ARHGEF7: variants seen among roughly 807,000 people sequenced by gnomAD.
The protein encoded by ARHGEF7 is Rho guanine nucleotide exchange factor 7, also known as PAK-interacting exchange factor beta.
Under a neutral mutation model 109.8 loss-of-function variants are expected in ARHGEF7, and 33 were observed. That is an observed-to-expected ratio of 0.30 (90% confidence interval 0.23 to 0.40). ARHGEF7 has a LOEUF of 0.40. Ranked by LOEUF, ARHGEF7 falls within the 10% of genes least tolerant of loss-of-function variation. The pLI, the probability that ARHGEF7 is intolerant of heterozygous loss-of-function variation, is 1.00. For synonymous variants in ARHGEF7, 458 were observed against 424.6 expected, an observed-to-expected ratio of 1.08 and a Z score of -0.97; for missense variants, 938 against 1,098.5, an observed-to-expected ratio of 0.85 and a Z score of 2.07.
chr13:111,186,942 G>T, intron 2 of ARHGEF7: 1 of 985,636 alleles, frequency 1.0e-6, no homozygotes, highest in East Asian at 1.1e-4. Flanking sequence ...ACGTAGAGGT[G>T]CATCAGCCAG....
chr13:111,302,642 G>A (rs1251123226), intron 21 of ARHGEF7, among the ~76,000 whole-genome samples: 1 of 152,212 alleles, frequency 6.6e-6, no homozygotes, highest in Non-Finnish European at 1.5e-5. Context: ...AGTCCTTTCT[G>A]TAACTCTGGA....
chr13:111,176,900 G>T (rs941167433), intron 2 of ARHGEF7, among the ~76,000 whole-genome samples: 2 of 152,280 alleles, frequency 1.3e-5, no homozygotes, highest in South Asian at 4.1e-4. Flanking sequence ...GGGACTACAG[G>T]CGTGTACCAC....
At chr13:111,265,468 C>A (rs1197714633) in intron 8 of ARHGEF7, 2 of 421,688 alleles carry the variant, frequency 4.7e-6, no homozygotes, top group Non-Finnish European at 9.6e-6. Context: ...ATTCTCCTGA[C>A]TATGACTTTC....
At chr13:111,242,125 C>T (rs2087894469) in intron 6 of ARHGEF7, among the ~76,000 whole-genome samples, 1 of 152,182 alleles carries the variant, frequency 6.6e-6, no homozygotes, top group African/African-American at 2.4e-5. Context: ...CCCTGCAGGG[C>T]CCCTCGCTCT....
At chr13:111,269,373 A>G (rs946094704) in intron 9 of ARHGEF7, among the ~76,000 whole-genome samples, 1 of 152,256 alleles carries the variant, frequency 6.6e-6, no homozygotes, top group African/African-American at 2.4e-5. Flanking sequence ...TAAAGATGAC[A>G]TTGAAAGTCA....
chr13:111,241,295 A>G (rs1363595743), intron 6 of ARHGEF7: 18 of 1,536,066 alleles, frequency 1.2e-5, no homozygotes, highest in Non-Finnish European at 1.6e-5. Context: ...GGGGTCCTGC[A>G]GCAGCCAGAG....
At chr13:111,282,346 G>A (rs1208327180) in intron 15 of ARHGEF7, among the ~76,000 whole-genome samples, 1 of 152,208 alleles carries the variant, frequency 6.6e-6, no homozygotes, top group African/African-American at 2.4e-5. Flanking sequence ...GGCTGATTTT[G>A]AGAATGACTT....
At chr13:111,240,488 C>T (rs867353014) in intron 6 of ARHGEF7, among the ~76,000 whole-genome samples, 5 of 152,176 alleles carry the variant, frequency 3.3e-5, no homozygotes, top group African/African-American at 4.8e-5. Context: ...GTCATTGTGA[C>T]CCGTAGAGGA....
At chr13:111,195,025 A>G (rs990881344) in intron 2 of ARHGEF7, among the ~76,000 whole-genome samples, 4 of 152,142 alleles carry the variant, frequency 2.6e-5, no homozygotes, top group African/African-American at 9.7e-5. Flanking sequence ...GGGTTTTTGT[A>G]CCCCTAGAAT....
chr13:111,154,075 T>A, intron 2 of ARHGEF7, 84 bp downstream of exon 2: 1 of 1,309,526 alleles, frequency 7.6e-7, no homozygotes, highest in Non-Finnish European at 1.0e-6. Context: ...CAGCCGGACC[T>A]CCTGCCTCCT....
intron 1 of ARHGEF7, among the ~76,000 whole-genome samples, chr13:111,134,809 T>G (rs1410748231): frequency 6.6e-6 from 1 of 152,182 alleles, no homozygotes; most frequent in Admixed American, 6.5e-5. Flanking sequence ...TAGATCCCAT[T>G]TGTCAATTTT....
At chr13:111,234,836 C>T (rs1420027941) in intron 6 of ARHGEF7, among the ~76,000 whole-genome samples, 4 of 151,888 alleles carry the variant, frequency 2.6e-5, no homozygotes, top group Admixed American at 2.0e-4. Flanking sequence ...GTGTGGCCCA[C>T]ATTACCCGAG....
chr13:111,174,569 C>T (rs531997666), intron 2 of ARHGEF7, among the ~76,000 whole-genome samples: 2 of 152,334 alleles, frequency 1.3e-5, no homozygotes, highest in East Asian at 3.9e-4. Flanking sequence ...AAATGCCATG[C>T]ATTATCTGGG....
intron 2 of ARHGEF7, among the ~76,000 whole-genome samples, chr13:111,197,335 C>T (rs2080647209): frequency 6.6e-6 from 1 of 152,200 alleles, no homozygotes; most frequent in Non-Finnish European, 1.5e-5. Flanking sequence ...TCCTAGACCA[C>T]AAGGAGGACT....
At chr13:111,153,682 A>C in intron 1 of ARHGEF7, 4 of 1,237,960 alleles carry the variant, frequency 3.2e-6, no homozygotes, top group East Asian at 3.7e-5. Context: ...TGGTGCGGGA[A>C]GGGGCAGAGA....
At chr13:111,247,997 T>G (rs989651877) in intron 8 of ARHGEF7, among the ~76,000 whole-genome samples, 1 of 152,242 alleles carries the variant, frequency 6.6e-6, no homozygotes, top group Non-Finnish European at 1.5e-5. Flanking sequence ...GTAGGACTTC[T>G]GTCTTCCGTC....
intron 15 of ARHGEF7, among the ~76,000 whole-genome samples, chr13:111,282,193 T>TGCTGTGTG (rs1555400562): frequency 1 from 152,206 of 152,260 alleles, 76,076 homozygotes; most frequent in Middle Eastern, 1. Flanking sequence ...TGGCATTAGC[T>TGCTGTGTG]GCCGTCCCTC....
At chr13:111,157,098 A>G (rs1171720588) in intron 2 of ARHGEF7, among the ~76,000 whole-genome samples, 1 of 152,186 alleles carries the variant, frequency 6.6e-6, no homozygotes, top group Non-Finnish European at 1.5e-5. Flanking sequence ...TTTGATTATG[A>G]AAATATTTTT....
chr13:111,127,035 A>G (rs2067607608), intron 1 of ARHGEF7, among the ~76,000 whole-genome samples: 1 of 152,216 alleles, frequency 6.6e-6, no homozygotes, highest in Non-Finnish European at 1.5e-5. Context: ...CTGTTTGTGG[A>G]CTGATTAGGA....
Sources: gnomAD v4.1 joint callset for allele counts (sites outside exome capture counted in the v4.1 genomes callset) on GRCh38, gnomAD v4.1.1 for gene constraint, MANE v1.5 for transcripts, NCBI Gene and HGNC (gene_info 2026-07-23, HGNC 2026-07-21) for gene names.